DACH2: variants seen among roughly 807,000 people sequenced by gnomAD.
DACH2 encodes dachshund homolog 2.
A neutral mutation model predicts 35.8 loss-of-function variants in DACH2; 17 were observed. The ratio of observed to expected loss-of-function variants is 0.48; its 90% confidence interval spans 0.33 to 0.71. DACH2 has a LOEUF of 0.71. Among genes scored for constraint, DACH2 ranks in the 30% least tolerant of loss-of-function variants. The probability of loss-of-function intolerance (pLI) is 0.02; values close to 1 mark genes in which losing one functional copy is unlikely to be tolerated. For synonymous variants in DACH2, 195 were observed against 177.3 expected, an observed-to-expected ratio of 1.10 and a Z score of -0.79; for missense variants, 469 against 472.7, an observed-to-expected ratio of 0.99 and a Z score of 0.07.
intron 3 of DACH2, among the ~76,000 whole-genome samples, chrX:86,529,432 A>G (rs1057360980): frequency 2.8e-5 from 3 of 106,580 alleles, no homozygotes; most frequent in Non-Finnish European, 5.8e-5. Flanking sequence ...CCCCATTCCC[A>G]GTCTTTGGTA....
intron 3 of DACH2, among the ~76,000 whole-genome samples, chrX:86,530,380 G>A (rs183248884): frequency 7.8e-4 from 87 of 111,811 alleles, no homozygotes; most frequent in Admixed American, 1.8e-3. Flanking sequence ...GTCGGAGGAG[G>A]AACCTGGTAG....
chrX:86,620,867 GA>G (rs1360419408), intron 3 of DACH2, among the ~76,000 whole-genome samples: 3 of 110,660 alleles, frequency 2.7e-5, no homozygotes, highest in African/African-American at 9.8e-5. Flanking sequence ...GTAGATTCGA[GA>G]GGATCTCTGC....
In DACH2 at chrX:86,820,865, A is replaced by G. The variant is rs151069132; in HGVS notation, c.1750+4766A>G. Among the ~76,000 whole-genome samples the G allele has an allele frequency of 9.2e-3, 1,013 of 110,429 alleles. 5 individuals carry two copies. Among genetic ancestry groups the G allele is most frequent in the African/African-American group, 0.031 (950 of 30,411 alleles). ...TGGCACTTGCTTACTAACCTAAAAC[A>G]ACATTCCTCCCAAGAAGTTAAGATG... On this transcript the variant is annotated intron_variant, in intron 11 of 11. Transcript: ENST00000373125.
At chrX:86,766,970 T>C (rs1256469877) in intron 7 of DACH2, among the ~76,000 whole-genome samples, 3 of 111,916 alleles carry the variant, frequency 2.7e-5, no homozygotes, top group Admixed American at 9.5e-5. Flanking sequence ...TATGGTTTGA[T>C]ATATTCTAGT....
chrX:86,609,422 G>T (rs369738044), intron 3 of DACH2, among the ~76,000 whole-genome samples: 1 of 111,859 alleles, frequency 8.9e-6, no homozygotes, highest in Admixed American at 9.5e-5. Flanking sequence ...TGAATTCTCT[G>T]TCAGAAAGTT....
At chrX:86,526,268 A>G (rs1380826171) in intron 3 of DACH2, among the ~76,000 whole-genome samples, 1 of 111,991 alleles carries the variant, frequency 8.9e-6, no homozygotes, top group African/African-American at 3.2e-5. Flanking sequence ...TTAAAGAGTA[A>G]TAAAATTTGT....
chrX:86,573,936 C>T (rs1053351184), intron 3 of DACH2, among the ~76,000 whole-genome samples: 11 of 111,497 alleles, frequency 9.9e-5, no homozygotes, highest in Non-Finnish European at 1.9e-4. Context: ...TGACTCTTCT[C>T]CTCCTCGTTA....
At chrX:86,303,787 A>G (rs149758067) in intron 1 of DACH2, among the ~76,000 whole-genome samples, 1,136 of 110,564 alleles carry the variant, frequency 0.01, 9 homozygotes, top group African/African-American at 0.035. Flanking sequence ...ATCTTGCAAG[A>G]ATTTCATCTA....
At chrX:86,697,641 G>T (rs1007174712) in intron 5 of DACH2, among the ~76,000 whole-genome samples, 3 of 109,857 alleles carry the variant, frequency 2.7e-5, no homozygotes, top group African/African-American at 9.9e-5. Flanking sequence ...AAGAACACGT[G>T]AGATAGCTAA....
intron 1 of DACH2, among the ~76,000 whole-genome samples, chrX:86,355,150 C>T (rs920730434): frequency 3.6e-5 from 4 of 111,731 alleles, no homozygotes; most frequent in Admixed American, 1.9e-4. Context: ...CGTGAACATA[C>T]GTGGTATTTG....
rs73522031 is a variant in DACH2 at position 86,437,785 on chromosome X, A to G, written c.527+60923A>G. Reference sequence around the variant, plus strand: ...GCTACACCGGTTTCTTTTCTTTTGGATAAATAACCAGTTGTGGGATTACTG... The same window carrying G: ...GCTACACCGGTTTCTTTTCTTTTGGGTAAATAACCAGTTGTGGGATTACTG... On this transcript the variant is annotated intron_variant, in intron 2 of 11. Transcript: ENST00000373125. Among the ~76,000 whole-genome samples, 413 of 109,923 alleles carry G rather than the reference A, an allele frequency of 3.8e-3. 2 individuals are homozygous for G. The highest frequency in any genetic ancestry group is 0.013 in the African/African-American group (401 of 30,342).
At chrX:86,230,565 C>G (rs1235805641) in intron 1 of DACH2, among the ~76,000 whole-genome samples, 4 of 111,054 alleles carry the variant, frequency 3.6e-5, no homozygotes, top group Non-Finnish European at 7.5e-5. Context: ...GGATTAGTAC[C>G]AATTTTTCTT....
chrX:86,591,562 G>T lies in DACH2; in HGVS notation c.641-59474G>T, dbSNP rs2039646487. Among the ~76,000 whole-genome samples, 2 of 79,260 alleles carry T rather than the reference G, an allele frequency of 2.5e-5. 1 individual carries two copies. Among genetic ancestry groups the T allele is most frequent in the South Asian group, 1.2e-3 (2 of 1,623 alleles). The allele number at this position is 79,260 out of a possible 115,157, so 68.8% of individuals were successfully genotyped here. ...GGCTATTTTTTTTTTTTTTGAGAAGGAGTCTTGCTCTGTCACCCAGGCTGG... is the reference window on the plus strand; with the variant it reads ...GGCTATTTTTTTTTTTTTTGAGAAGTAGTCTTGCTCTGTCACCCAGGCTGG... On this transcript the variant is annotated intron_variant, in intron 3 of 11. Transcript: ENST00000373125.
At chrX:86,201,194 CTAAA>C (rs1332595004) in intron 1 of DACH2, among the ~76,000 whole-genome samples, 1 of 106,189 alleles carries the variant, frequency 9.4e-6, no homozygotes, top group Non-Finnish European at 1.9e-5. Context: ...GAAGAGAAAA[CTAAA>C]TACCGCATGT....
intron 3 of DACH2, among the ~76,000 whole-genome samples, chrX:86,616,646 C>A (rs898573615): frequency 8.9e-6 from 1 of 111,826 alleles, no homozygotes; most frequent in Non-Finnish European, 1.9e-5. Flanking sequence ...CTTTAAGTTC[C>A]TTATAGATGC....
chrX:86,714,887 GTTGT>G (rs2041318753), intron 6 of DACH2, among the ~76,000 whole-genome samples, 167 bp downstream of exon 6: 2 of 112,059 alleles, frequency 1.8e-5, no homozygotes, highest in African/African-American at 3.2e-5. Context: ...CAGGTTTGTT[GTTGT>G]TTGTTTGTTT....
In DACH2 at chrX:86,314,877, G is replaced by A. The variant is rs555995857; in HGVS notation, c.489-61947G>A. On this transcript the variant is annotated intron_variant, in intron 1 of 11. Transcript: ENST00000373125. ...GAAGCTAGCCAAAGTCAGTTCATGA[G>A]GACTTAAGGAAAGAAGCTGTCTCCA... Among the ~76,000 whole-genome samples, 291 of 112,121 alleles carry A rather than the reference G, an allele frequency of 2.6e-3. 2 individuals carry two copies. Among genetic ancestry groups the A allele is most frequent in the African/African-American group, 8.2e-3 (252 of 30,881 alleles).
chrX:86,346,967 T>G (rs2035507523), intron 1 of DACH2, among the ~76,000 whole-genome samples: 1 of 111,882 alleles, frequency 8.9e-6, no homozygotes, highest in Non-Finnish European at 1.9e-5. Flanking sequence ...AGACATAATG[T>G]TTTCATGGAG....
chrX:86,766,343 C>A (rs1222904419), intron 7 of DACH2, among the ~76,000 whole-genome samples: 1 of 111,709 alleles, frequency 9.0e-6, no homozygotes, highest in Non-Finnish European at 1.9e-5. Flanking sequence ...ACTGGCTCTC[C>A]CAACCCAAAT....
Sources: allele counts gnomAD v4.1 joint callset (sites outside exome capture counted in the v4.1 genomes callset), GRCh38; gene constraint gnomAD v4.1.1; transcripts MANE v1.5; gene names NCBI Gene and HGNC (gene_info 2026-07-23, HGNC 2026-07-21).